The following DPP10 variants were observed in gnomAD, a reference collection of about 807,000 sequenced individuals.
DPP10 encodes the protein inactive dipeptidyl peptidase 10.
In DPP10, 33 loss-of-function variants were observed where a neutral mutation model predicts 120.9. That is an observed-to-expected ratio of 0.27 (90% CI 0.21 to 0.37). The LOEUF is 0.37. DPP10 is among the 10% of genes least tolerant of loss of function. DPP10 has a pLI of 1.00. For missense variants in DPP10, 816 were observed against 942.8 expected (o/e 0.87, Z 1.76); for synonymous variants, 337 against 326.1 (o/e 1.03, Z -0.36).
intron 3 of DPP10, among the ~76,000 whole-genome samples, chr2:115,458,114 A>G (rs2073725459): frequency 6.6e-6 from 1 of 152,172 alleles, no homozygotes; most frequent in Non-Finnish European, 1.5e-5. Context: ...TTCTAGAGAC[A>G]AAGAGCAGAT....
chr2:114,580,725 T>G (rs1055017183), intron 1 of DPP10, among the ~76,000 whole-genome samples: 1 of 152,002 alleles, frequency 6.6e-6, no homozygotes, highest in Non-Finnish European at 1.5e-5. Context: ...ACATCTGTTT[T>G]TTTTTTTTTT....
At chr2:115,410,109 T>C (rs1320522351) in intron 3 of DPP10, among the ~76,000 whole-genome samples, 2 of 152,196 alleles carry the variant, frequency 1.3e-5, no homozygotes, top group Non-Finnish European at 2.9e-5. Flanking sequence ...CCCAGCCCCA[T>C]TGATTAAATA....
intron 3 of DPP10, among the ~76,000 whole-genome samples, chr2:115,381,514 C>T (rs1020672476): frequency 2.3e-4 from 35 of 152,290 alleles, no homozygotes; most frequent in Non-Finnish European, 4.7e-4. Flanking sequence ...TCCCATAGCT[C>T]GGAGAAATTT....
intron 1 of DPP10, among the ~76,000 whole-genome samples, chr2:115,032,930 T>C (rs968942062): frequency 1.3e-5 from 2 of 151,670 alleles, no homozygotes; most frequent in African/African-American, 4.8e-5. Flanking sequence ...TATAGGTTCA[T>C]TGTTAGGTAG....
intron 3 of DPP10, among the ~76,000 whole-genome samples, chr2:115,478,314 G>A (rs1235813744): frequency 6.6e-6 from 1 of 152,150 alleles, no homozygotes; most frequent in Non-Finnish European, 1.5e-5. Flanking sequence ...GGAAAAGACA[G>A]TACTTTCAAC....
At chr2:115,486,681 T>A (rs1038858243) in intron 3 of DPP10, among the ~76,000 whole-genome samples, 2 of 152,186 alleles carry the variant, frequency 1.3e-5, no homozygotes, top group Admixed American at 1.3e-4. Flanking sequence ...AGCTGGTGGT[T>A]ATGCTACTAT....
intron 5 of DPP10, among the ~76,000 whole-genome samples, chr2:115,656,001 T>C (rs2088285095): frequency 6.6e-6 from 1 of 151,422 alleles, no homozygotes; most frequent in Non-Finnish European, 1.5e-5. Context: ...TTTCAATGGG[T>C]ATAAAGTTTC....
intron 3 of DPP10, among the ~76,000 whole-genome samples, chr2:115,368,752 G>A (rs1246456896): frequency 1.3e-5 from 2 of 150,900 alleles, no homozygotes; most frequent in Non-Finnish European, 3.0e-5. Context: ...TGTGATAGTC[G>A]GCTCCTTTTT....
chr2:115,746,219 GA>G (rs1677953383), intron 10 of DPP10, 36 bp downstream of exon 10: 2 of 1,511,386 alleles, frequency 1.3e-6, no homozygotes, highest in African/African-American at 2.8e-5. Context: ...TGGGGAAATA[GA>G]TATTTTCACT....
chr2:114,628,862 G>A (rs1472543352), intron 1 of DPP10, among the ~76,000 whole-genome samples: 3 of 152,144 alleles, frequency 2.0e-5, no homozygotes, highest in East Asian at 3.8e-4. Context: ...GAAATACACT[G>A]CAAAGTTGAC....
At chr2:115,233,718 A>G (rs1248438791) in intron 1 of DPP10, among the ~76,000 whole-genome samples, 3 of 152,162 alleles carry the variant, frequency 2.0e-5, no homozygotes, top group Non-Finnish European at 2.9e-5. Flanking sequence ...CACAATAAAA[A>G]TTTCTACTCA....
intron 1 of DPP10, among the ~76,000 whole-genome samples, chr2:114,453,236 A>G (rs932443246): frequency 1.3e-5 from 2 of 152,300 alleles, no homozygotes; most frequent in African/African-American, 4.8e-5. Context: ...GCACATTTTC[A>G]ACAAACGTGT....
chr2:115,525,343 A>C (rs1417573856), intron 4 of DPP10, among the ~76,000 whole-genome samples: 1 of 152,188 alleles, frequency 6.6e-6, no homozygotes. Context: ...GCTCAAAATT[A>C]GTCAAGTACA....
chr2:114,618,162 G>A (rs769282500), intron 1 of DPP10, among the ~76,000 whole-genome samples: 8 of 152,030 alleles, frequency 5.3e-5, no homozygotes, highest in Non-Finnish European at 1.2e-4. Flanking sequence ...TAATAAAAAG[G>A]TGTCCATCAT....
intron 1 of DPP10, among the ~76,000 whole-genome samples, chr2:114,920,227 T>C (rs1336440449): frequency 6.6e-6 from 1 of 152,062 alleles, no homozygotes; most frequent in East Asian, 1.9e-4. Flanking sequence ...AAAACAATAG[T>C]TTTTTCATAT....
At chr2:115,005,124 G>T (rs1156370488) in intron 1 of DPP10, among the ~76,000 whole-genome samples, 1 of 151,340 alleles carries the variant, frequency 6.6e-6, no homozygotes, top group Non-Finnish European at 1.5e-5. Flanking sequence ...ACCTCACACT[G>T]CAGGGTACTC....
At chr2:115,384,850 C>T (rs1432603874) in intron 3 of DPP10, among the ~76,000 whole-genome samples, 1 of 152,184 alleles carries the variant, frequency 6.6e-6, no homozygotes, top group African/African-American at 2.4e-5. Context: ...CAAATCTCAT[C>T]TTGAATTTTA....
chr2:114,994,170 A>G (rs80199425), intron 1 of DPP10, among the ~76,000 whole-genome samples: 54 of 152,262 alleles, frequency 3.5e-4, no homozygotes, highest in African/African-American at 1.3e-3. Flanking sequence ...GCTCTGCACA[A>G]TCTGGTGATT....
chr2:115,060,190 G>A (rs1706287135), intron 1 of DPP10, among the ~76,000 whole-genome samples: 1 of 149,206 alleles, frequency 6.7e-6, no homozygotes, highest in Admixed American at 6.7e-5. Context: ...AGAGGTAGGT[G>A]ATAAAGAAAT....
Sources: gnomAD v4.1 joint callset for allele counts (sites outside exome capture counted in the v4.1 genomes callset) on GRCh38, gnomAD v4.1.1 for gene constraint, MANE v1.5 for transcripts, NCBI Gene and HGNC (gene_info 2026-07-23, HGNC 2026-07-21) for gene names.